KLF8: variants seen among roughly 807,000 people sequenced by gnomAD.
KLF8 encodes the protein KLF transcription factor 8.
Under a neutral mutation model 18.2 loss-of-function variants are expected in KLF8, and 10 were observed. The observed-to-expected ratio is 0.55, with a 90% CI of 0.34 to 0.93. KLF8 has a LOEUF of 0.93. KLF8 is among the 40% of genes least tolerant of loss of function. KLF8 has a pLI of 0.02. For synonymous variants in KLF8, 109 were observed against 97.3 expected, an observed-to-expected ratio of 1.12 and a Z score of -0.71; for missense variants, 264 against 277.9, an observed-to-expected ratio of 0.95 and a Z score of 0.36.
chrX:56,093,672 T>A, the KLF8 span, among the ~76,000 whole-genome samples: 20 of 111,194 alleles, frequency 1.8e-4, no homozygotes, highest in Admixed American at 2.9e-4. Flanking sequence ...TTAGTTTATG[T>A]AACATAACAG....
At chrX:56,094,448 G>T in the KLF8 span, among the ~76,000 whole-genome samples, 1 of 110,780 alleles carries the variant, frequency 9.0e-6, no homozygotes, top group African/African-American at 3.3e-5. Context: ...ACAACACAGT[G>T]CCAAAATATA....
chrX:56,184,177 C>A, the KLF8 span, among the ~76,000 whole-genome samples: 1 of 112,314 alleles, frequency 8.9e-6, no homozygotes, highest in Non-Finnish European at 1.9e-5. Context: ...CCTAACACTG[C>A]GCATTTCCGA....
At chrX:55,985,745 GTTCTTCCTA>G in the KLF8 span, among the ~76,000 whole-genome samples, 1 of 110,298 alleles carries the variant, frequency 9.1e-6, no homozygotes, top group East Asian at 2.8e-4. Flanking sequence ...CACAATATCA[GTTCTTCCTA>G]TTCAGGAGCA....
chrX:56,061,266 A>G, the KLF8 span, among the ~76,000 whole-genome samples: 10 of 111,690 alleles, frequency 9.0e-5, no homozygotes, highest in Admixed American at 5.7e-4. Context: ...TAGGGTGTCA[A>G]TTTTAGATCT....
At chrX:56,036,620 G>T in the KLF8 span, among the ~76,000 whole-genome samples, 1 of 112,010 alleles carries the variant, frequency 8.9e-6, no homozygotes, top group East Asian at 2.8e-4. Context: ...TGTGCTTCCT[G>T]CAGCCTTGTT....
At chrX:56,180,949 G>A in the KLF8 span, among the ~76,000 whole-genome samples, 2 of 111,701 alleles carry the variant, frequency 1.8e-5, no homozygotes, top group African/African-American at 3.3e-5. Flanking sequence ...TTGATTTGGG[G>A]TGGAGAGTTC....
the KLF8 span, among the ~76,000 whole-genome samples, chrX:56,161,071 T>G: frequency 1.8e-5 from 2 of 111,646 alleles, no homozygotes; most frequent in Non-Finnish European, 3.8e-5. Context: ...AGGAGCTCTT[T>G]TAGGGCAGGC....
the KLF8 span, among the ~76,000 whole-genome samples, chrX:56,138,977 C>T: frequency 3.6e-5 from 4 of 111,096 alleles, no homozygotes; most frequent in African/African-American, 1.3e-4. Context: ...AGGTTTTAGC[C>T]TACAAAATCA....
At chrX:56,061,986 C>CTTTTTTT in the KLF8 span, among the ~76,000 whole-genome samples, 33 of 57,109 alleles carry the variant, frequency 5.8e-4, 2 homozygotes, top group African/African-American at 3.7e-3. Flanking sequence ...GCAACCCCTG[C>CTTTTTTT]TTTTTTTTTT....
the KLF8 span, among the ~76,000 whole-genome samples, chrX:55,924,986 G>A: frequency 3.0e-5 from 3 of 101,511 alleles, no homozygotes; most frequent in African/African-American, 1.1e-4. Context: ...CTCACTAGTA[G>A]CTGGGATTAC....
At chrX:56,178,004 C>T in the KLF8 span, among the ~76,000 whole-genome samples, 1 of 111,848 alleles carries the variant, frequency 8.9e-6, no homozygotes, top group Non-Finnish European at 1.9e-5. Flanking sequence ...TCTGTCACCC[C>T]TTTCTTTGGC....
the KLF8 span, among the ~76,000 whole-genome samples, chrX:56,179,118 G>T: frequency 9.0e-6 from 1 of 111,527 alleles, no homozygotes; most frequent in African/African-American, 3.3e-5. Flanking sequence ...ATCCATTAGC[G>T]TGGAATGTTC....
At chrX:56,052,438 T>C in the KLF8 span, among the ~76,000 whole-genome samples, 1 of 111,735 alleles carries the variant, frequency 8.9e-6, no homozygotes, top group African/African-American at 3.3e-5. Flanking sequence ...GATGTACAGA[T>C]GGGTTTTTGG....
chrX:56,231,364 A>AT (rs1313906852), upstream of KLF8, among the ~76,000 whole-genome samples: 1 of 111,721 alleles, frequency 9.0e-6, no homozygotes, highest in Admixed American at 9.5e-5. Context: ...CCGTTTCCTT[A>AT]TTTTTTTAAA....
the KLF8 span, among the ~76,000 whole-genome samples, chrX:56,015,955 C>T: frequency 8.9e-6 from 1 of 112,128 alleles, no homozygotes; most frequent in Non-Finnish European, 1.9e-5. Flanking sequence ...TTTTCTTTCC[C>T]AGACCATATG....
chrX:56,027,634 C>T, the KLF8 span, among the ~76,000 whole-genome samples: 1 of 112,069 alleles, frequency 8.9e-6, no homozygotes, highest in Non-Finnish European at 1.9e-5. Context: ...AAGGTTACCA[C>T]CGCATATCCT....
chrX:56,025,644 G>A, the KLF8 span, among the ~76,000 whole-genome samples: 2 of 111,388 alleles, frequency 1.8e-5, no homozygotes, highest in Non-Finnish European at 3.8e-5. Flanking sequence ...TTACATGTTT[G>A]GGGACCCCTC....
At chrX:56,084,818 A>C in the KLF8 span, among the ~76,000 whole-genome samples, 6 of 112,176 alleles carry the variant, frequency 5.3e-5, no homozygotes, top group African/African-American at 1.9e-4. Flanking sequence ...TGAAGGAAAA[A>C]AAGTGTTTAA....
chrX:56,276,763 C>T (rs1160689752), intron 5 of KLF8, among the ~76,000 whole-genome samples: 5 of 111,274 alleles, frequency 4.5e-5, no homozygotes, highest in Non-Finnish European at 3.8e-5. Context: ...TGTTCTATAA[C>T]CTTCTTGTAC....
Sources: allele counts gnomAD v4.1 joint callset (sites outside exome capture counted in the v4.1 genomes callset), GRCh38; gene constraint gnomAD v4.1.1; transcripts MANE v1.5; gene names NCBI Gene and HGNC (gene_info 2026-07-23, HGNC 2026-07-21).